Variants in CLSTN2 observed in about 807,000 individuals in gnomAD.
CLSTN2 encodes calsyntenin 2.
CLSTN2 carries 48 observed loss-of-function variants against 101.2 expected under a neutral mutation model. The observed-to-expected ratio is 0.47, with a 90% confidence interval of 0.38 to 0.60. CLSTN2 has a LOEUF of 0.60. Among genes scored for constraint, CLSTN2 ranks in the 20% least tolerant of loss-of-function variants. The pLI is 0.00. For missense variants in CLSTN2, 1,160 were observed against 1,238.2 expected (o/e 0.94, Z 0.95); for synonymous variants, 481 against 463.6 (o/e 1.04, Z -0.48).
chr3:140,534,404 A>G (rs1393554629), intron 9 of CLSTN2, among the ~76,000 whole-genome samples: 1 of 152,232 alleles, frequency 6.6e-6, no homozygotes, highest in African/African-American at 2.4e-5. Flanking sequence ...GCTGAGTTAC[A>G]TGCCTACTGC....
At chr3:140,122,557 T>A (rs2107799931) in intron 1 of CLSTN2, among the ~76,000 whole-genome samples, 1 of 152,330 alleles carries the variant, frequency 6.6e-6, no homozygotes, top group Non-Finnish European at 1.5e-5. Flanking sequence ...TCTTGAGCGC[T>A]CTGCTGTGTA....
intron 8 of CLSTN2, among the ~76,000 whole-genome samples, chr3:140,495,901 G>A (rs1361515624): frequency 6.6e-6 from 1 of 152,178 alleles, no homozygotes; most frequent in Non-Finnish European, 1.5e-5. Flanking sequence ...GTAGCATGAT[G>A]CCTCCAGCTT....
At chr3:140,029,397 T>C (rs2007499882) in intron 1 of CLSTN2, among the ~76,000 whole-genome samples, 1 of 152,228 alleles carries the variant, frequency 6.6e-6, no homozygotes, top group Non-Finnish European at 1.5e-5. Context: ...TATATGTTCT[T>C]AAATTAATTT....
intron 8 of CLSTN2, among the ~76,000 whole-genome samples, chr3:140,518,310 C>T (rs920074816): frequency 2.0e-5 from 3 of 152,212 alleles, no homozygotes; most frequent in Non-Finnish European, 4.4e-5. Flanking sequence ...TCCTGATTCA[C>T]TCTCACCTCC....
Position 140,214,453 on chromosome 3 carries a change from T to TAAA in CLSTN2, c.232+38387_232+38389dup, listed in dbSNP as rs10638926. Among the ~76,000 whole-genome samples the TAAA allele has an allele frequency of 5.9e-4, 88 of 150,356 alleles. No homozygotes were observed. The East Asian group carries it at 9.2e-3, about 16-fold the overall frequency. On this transcript the variant is annotated intron_variant, in intron 2 of 16. Transcript: ENST00000458420. ...TGGGCCTTGCAGTGAGACTCTGTCT[T>TAAA]AAAAAAAAAGAATAGGTCCACTTTG... is the stretch of plus-strand genomic sequence containing the variant.
intron 5 of CLSTN2, among the ~76,000 whole-genome samples, chr3:140,427,193 A>ATATATGTGTGTGTGTG (rs1553742751): frequency 1.2e-5 from 1 of 83,746 alleles, no homozygotes. Flanking sequence ...AAATATATAT[A>ATATATGTGTGTGTGTG]TATATATATA....
intron 2 of CLSTN2, among the ~76,000 whole-genome samples, chr3:140,371,446 G>C (rs1242216514): frequency 6.6e-6 from 1 of 152,202 alleles, no homozygotes; most frequent in Admixed American, 6.5e-5. Context: ...AGCCCTCAGA[G>C]ACTAATGCAC....
At chr3:140,487,628 G>A (rs1416523860) in intron 8 of CLSTN2, among the ~76,000 whole-genome samples, 1 of 152,206 alleles carries the variant, frequency 6.6e-6, no homozygotes, top group African/African-American at 2.4e-5. Flanking sequence ...ATGTGTTCAT[G>A]GGAAAGACAG....
At chr3:140,306,012 T>C (rs1045824967) in intron 2 of CLSTN2, among the ~76,000 whole-genome samples, 3 of 152,220 alleles carry the variant, frequency 2.0e-5, no homozygotes, top group East Asian at 1.9e-4. Flanking sequence ...AGACCATGGA[T>C]ACTATAGTCA....
intron 1 of CLSTN2, among the ~76,000 whole-genome samples, chr3:140,091,930 C>CATAGTAGATGCTCAGTAA (rs1173366161): frequency 6.6e-6 from 1 of 152,168 alleles, no homozygotes; most frequent in South Asian, 2.1e-4. Context: ...ATGCCCAGTA[C>CATAGTAGATGCTCAGTAA]ATAGTAGATG....
chr3:140,558,754 T>C lies in CLSTN2; in HGVS notation c.1938T>C (p.Pro646=). Residue 646 remains proline, a synonymous_variant, in exon 12 of 17, where the codon CCT becomes CCC. Transcript: ENST00000458420. ...GGGGCACAGACCACTTCTGGAGACC[T>C]GCTGCCCAGTTTGAAAGTGCCAGGG... ...TLRGTDHFWR[P]AAQFESARGV... is the part of the protein sequence containing the mutation. 1 of 1,614,160 alleles carries C rather than the reference T, an allele frequency of 6.2e-7. No individual in the cohort carries two copies. Among genetic ancestry groups the C allele is most frequent in the African/African-American group, 1.3e-5 (1 of 75,046 alleles).
At chr3:140,502,455 C>T (rs1399408513) in intron 8 of CLSTN2, among the ~76,000 whole-genome samples, 2 of 152,204 alleles carry the variant, frequency 1.3e-5, no homozygotes, top group African/African-American at 4.8e-5. Context: ...ATGCAGAAGC[C>T]ACCAAGCAGA....
chr3:140,421,788 G>T (rs890615439), intron 5 of CLSTN2, among the ~76,000 whole-genome samples: 1 of 152,190 alleles, frequency 6.6e-6, no homozygotes, highest in Non-Finnish European at 1.5e-5. Flanking sequence ...GGCTTTGGAT[G>T]GAGGTGGATT....
intron 1 of CLSTN2, among the ~76,000 whole-genome samples, chr3:140,085,113 A>G (rs2008659063): frequency 6.6e-6 from 1 of 152,210 alleles, no homozygotes; most frequent in Non-Finnish European, 1.5e-5. Context: ...CCACCAGCAC[A>G]GTTAATTGAG....
intron 1 of CLSTN2, among the ~76,000 whole-genome samples, chr3:140,000,029 C>G (rs2006794152): frequency 1.5e-5 from 2 of 137,260 alleles, no homozygotes; most frequent in Admixed American, 1.4e-4. Flanking sequence ...CTCCCTCCGT[C>G]TTTTCCTTCC....
At chr3:140,562,747 T>C (rs931459549) in intron 13 of CLSTN2, 64 bp from the exon 14 acceptor site, 18 of 1,564,792 alleles carry the variant, frequency 1.2e-5, no homozygotes, top group Admixed American at 1.8e-5. Context: ...CCCTGGCTTG[T>C]CTCCTCTCTT....
At chr3:140,020,963 C>T (rs2107755609) in intron 1 of CLSTN2, among the ~76,000 whole-genome samples, 1 of 152,266 alleles carries the variant, frequency 6.6e-6, no homozygotes, top group South Asian at 2.1e-4. Context: ...AAAATGTAAA[C>T]TATAAATGAC....
At chr3:140,467,507 G>A (rs1283301505) in intron 8 of CLSTN2, among the ~76,000 whole-genome samples, 1 of 152,126 alleles carries the variant, frequency 6.6e-6, no homozygotes, top group Admixed American at 6.5e-5. Flanking sequence ...TCAGAAAATG[G>A]GATTAAGGAA....
intron 1 of CLSTN2, among the ~76,000 whole-genome samples, chr3:140,030,140 A>G (rs1251867796): frequency 2.0e-5 from 3 of 152,222 alleles, no homozygotes; most frequent in Non-Finnish European, 4.4e-5. Flanking sequence ...CAACAGGACC[A>G]CAGAGAAAAA....
Sources: allele counts gnomAD v4.1 joint callset (sites outside exome capture counted in the v4.1 genomes callset), GRCh38; gene constraint gnomAD v4.1.1; transcripts MANE v1.5; gene names NCBI Gene and HGNC (gene_info 2026-07-23, HGNC 2026-07-21).